Variants in ATE1 observed in about 807,000 individuals in gnomAD.
The protein encoded by ATE1 is arginyl-tRNA--protein transferase 1.
ATE1 carries 36 observed loss-of-function variants against 70.5 expected under a neutral mutation model. The observed-to-expected ratio is 0.51, with a 90% CI of 0.39 to 0.67. The LOEUF is 0.67. Ranked by LOEUF, ATE1 falls within the 30% of genes least tolerant of loss-of-function variation. The pLI is 0.00. For synonymous variants in ATE1, 232 were observed against 219.3 expected, an observed-to-expected ratio of 1.06 and a Z score of -0.51; for missense variants, 593 against 629.5, an observed-to-expected ratio of 0.94 and a Z score of 0.62.
At chr10:121,907,375 G>C (rs1427398425) in intron 5 of ATE1, among the ~76,000 whole-genome samples, 2 of 152,022 alleles carry the variant, frequency 1.3e-5, no homozygotes, top group African/African-American at 4.8e-5. Context: ...TGAGGCAGGA[G>C]AATCACTTAA....
chr10:121,875,355 A>ACAACCTTGTGCAATGGCACAACCTT (rs1950017584), intron 7 of ATE1, among the ~76,000 whole-genome samples: 1 of 122,026 alleles, frequency 8.2e-6, no homozygotes, highest in African/African-American at 3.2e-5. Flanking sequence ...CCCAGGCTGG[A>ACAACCTTGTGCAATGGCACAACCTT]GTGCAATGGC....
chr10:121,802,927 T>A (rs1041971311), intron 10 of ATE1, among the ~76,000 whole-genome samples: 5 of 152,176 alleles, frequency 3.3e-5, no homozygotes, highest in Admixed American at 2.0e-4. Flanking sequence ...AGAAATGTTA[T>A]TACAAAGTAT....
Position 121,856,369 on chromosome 10 carries a change from A to C in ATE1, c.975+13637T>G, listed in dbSNP as rs189958687. Among the ~76,000 whole-genome samples, 635 of 151,848 alleles carry C rather than the reference A, an allele frequency of 4.2e-3. 5 individuals carry two copies. Among genetic ancestry groups the C allele is most frequent in the Non-Finnish European group, 6.6e-3 (449 of 67,934 alleles). Reference sequence around the variant, plus strand: ...AAAAGAAGAAATCCCGTCTCTACTAAAAATACAAAAATTAGCTGGGTGTGG... The same window carrying C: ...AAAAGAAGAAATCCCGTCTCTACTACAAATACAAAAATTAGCTGGGTGTGG... On this transcript the variant is annotated intron_variant, in intron 8 of 11. Coordinates refer to ENST00000224652, the MANE Select transcript of ATE1 (RefSeq NM_001001976.3).
At chr10:121,878,289 G>A (rs983782180) in intron 7 of ATE1, among the ~76,000 whole-genome samples, 1 of 152,106 alleles carries the variant, frequency 6.6e-6, no homozygotes, top group East Asian at 1.9e-4. Flanking sequence ...GACTATAAGA[G>A]CATATACATA....
chr10:121,927,102 T>G (rs537718285), intron 1 of ATE1: 2 of 985,396 alleles, frequency 2.0e-6, no homozygotes, highest in East Asian at 2.3e-4. Context: ...GGCAAATGCA[T>G]GGCAAGAGAG....
intron 5 of ATE1, among the ~76,000 whole-genome samples, chr10:121,904,464 A>G (rs866168873): frequency 4.6e-4 from 70 of 150,828 alleles, no homozygotes; most frequent in African/African-American, 1.6e-3. Flanking sequence ...ACACGGTGAA[A>G]CCCTGTCTCT....
At chr10:121,848,252 C>A (rs1210329657) in intron 8 of ATE1, among the ~76,000 whole-genome samples, 2 of 151,938 alleles carry the variant, frequency 1.3e-5, no homozygotes, top group East Asian at 3.9e-4. Context: ...CAATGTAGTA[C>A]ATCATTCTAG....
At chr10:121,917,593 T>C (rs768580689) in intron 3 of ATE1, among the ~76,000 whole-genome samples, 1 of 151,944 alleles carries the variant, frequency 6.6e-6, no homozygotes, top group Non-Finnish European at 1.5e-5. Context: ...ACTAAATCCT[T>C]ATCTTCCACA....
intron 7 of ATE1, among the ~76,000 whole-genome samples, chr10:121,876,793 C>T (rs576823051): frequency 1.3e-5 from 2 of 152,008 alleles, no homozygotes; most frequent in Non-Finnish European, 2.9e-5. Flanking sequence ...AGTGAAACCC[C>T]GTCTCTACTA....
intron 11 of ATE1, among the ~76,000 whole-genome samples, chr10:121,761,680 T>G (rs555070122): frequency 7.2e-5 from 11 of 152,260 alleles, no homozygotes; most frequent in African/African-American, 2.4e-4. Flanking sequence ...GAGGATCCCC[T>G]TTCCGACCTC....
chr10:121,841,315 T>C, intron 8 of ATE1, 52 bp from the exon 9 acceptor site: 1 of 1,175,464 alleles, frequency 8.5e-7, no homozygotes, highest in Non-Finnish European at 1.1e-6. Context: ...TAAAATAATC[T>C]TATAATTAAT....
intron 10 of ATE1, among the ~76,000 whole-genome samples, chr10:121,814,629 G>A (rs1429690617): frequency 6.6e-6 from 1 of 152,144 alleles, no homozygotes; most frequent in Non-Finnish European, 1.5e-5. Context: ...CTATTTTATA[G>A]AATGAAGATA....
chr10:121,743,969 C>A, intron 11 of ATE1, 111 bp from the exon 12 acceptor site: 10 of 1,227,132 alleles, frequency 8.1e-6, no homozygotes, highest in Non-Finnish European at 1.1e-5. Context: ...GTCGCCCAGG[C>A]TGGAGTGCAG....
chr10:121,798,476 G>A (rs141503743), intron 10 of ATE1, among the ~76,000 whole-genome samples: 104 of 152,332 alleles, frequency 6.8e-4, no homozygotes, highest in Admixed American at 5.2e-3. Flanking sequence ...TCTGTTAGGA[G>A]AGTTGAACAA....
At chr10:121,823,242 A>G (rs1947871947) in intron 10 of ATE1, among the ~76,000 whole-genome samples, 1 of 152,186 alleles carries the variant, frequency 6.6e-6, no homozygotes, top group Non-Finnish European at 1.5e-5. Context: ...GTGAGCTGAG[A>G]TCGCACCACT....
intron 11 of ATE1, among the ~76,000 whole-genome samples, chr10:121,745,523 T>C (rs1388324756): frequency 2.0e-5 from 3 of 152,150 alleles, no homozygotes; most frequent in Non-Finnish European, 4.4e-5. Flanking sequence ...GACACCATTC[T>C]GGCTAACACG....
At chr10:121,872,333 A>G (rs757213802) in intron 7 of ATE1, among the ~76,000 whole-genome samples, 30 of 152,210 alleles carry the variant, frequency 2.0e-4, no homozygotes, top group Non-Finnish European at 7.3e-5. Context: ...TAGACCTAAA[A>G]AATTCTCATC....
intron 7 of ATE1, among the ~76,000 whole-genome samples, chr10:121,891,506 G>A (rs2134203177): frequency 6.6e-6 from 1 of 152,152 alleles, no homozygotes; most frequent in African/African-American, 2.4e-5. Context: ...GACTCCTCAG[G>A]GTGCTTTCTG....
intron 7 of ATE1, among the ~76,000 whole-genome samples, chr10:121,893,090 A>C (rs759280655): frequency 1.3e-5 from 2 of 152,058 alleles, no homozygotes; most frequent in Non-Finnish European, 1.5e-5. Context: ...ATCCTGGCTA[A>C]CATAGTGAAA....
Sources: allele counts gnomAD v4.1 joint callset (sites outside exome capture counted in the v4.1 genomes callset), GRCh38; gene constraint gnomAD v4.1.1; transcripts MANE v1.5; gene names NCBI Gene and HGNC (gene_info 2026-07-23, HGNC 2026-07-21).